The following CNTNAP2 variants were observed in gnomAD, a reference collection of about 807,000 sequenced individuals.
The protein encoded by CNTNAP2 is contactin-associated protein-like 2.
Under a neutral mutation model 155.2 loss-of-function variants are expected in CNTNAP2, and 98 were observed. The observed-to-expected ratio is 0.63, with a 90% confidence interval of 0.54 to 0.75. CNTNAP2 has a LOEUF of 0.75. Among genes scored for constraint, CNTNAP2 ranks in the 30% least tolerant of loss-of-function variants. The pLI, the probability that CNTNAP2 is intolerant of heterozygous loss-of-function variation, is 0.00. For synonymous variants in CNTNAP2, 651 were observed against 631.2 expected, an observed-to-expected ratio of 1.03 and a Z score of -0.47; for missense variants, 1,727 against 1,688.1, an observed-to-expected ratio of 1.02 and a Z score of -0.40.
intron 1 of CNTNAP2, among the ~76,000 whole-genome samples, chr7:146,685,561 A>G (rs986829288): frequency 6.6e-6 from 1 of 152,206 alleles, no homozygotes; most frequent in Non-Finnish European, 1.5e-5. Flanking sequence ...AGAAGAATCC[A>G]TGCCCGATTT....
intron 15 of CNTNAP2, among the ~76,000 whole-genome samples, chr7:148,016,295 C>T (rs1007758546): frequency 1.3e-5 from 2 of 152,160 alleles, no homozygotes; most frequent in Admixed American, 6.5e-5. Flanking sequence ...ATACCTCTGT[C>T]CACCTATGCC....
At chr7:147,331,210 T>C (rs1795559898) in intron 9 of CNTNAP2, among the ~76,000 whole-genome samples, 1 of 152,068 alleles carries the variant, frequency 6.6e-6, no homozygotes, top group Non-Finnish European at 1.5e-5. Context: ...GACTTTGAGG[T>C]ACAATGTTCC....
chr7:146,667,488 A>ATT (rs138513768), intron 1 of CNTNAP2, among the ~76,000 whole-genome samples: 44 of 151,100 alleles, frequency 2.9e-4, no homozygotes, highest in African/African-American at 1.0e-3. Context: ...AAATTTTAGG[A>ATT]TTTTTTTTCT....
At position 146,745,049 on chromosome 7, in the gene CNTNAP2, C is replaced by G. The variant is rs989062430; in HGVS notation, c.98-29222C>G. 3.9e-5 allele frequency among the ~76,000 whole-genome samples: 6 copies of G among 152,230 alleles called. No individual in the cohort carries two copies. The East Asian group carries it at 1.2e-3, about 29-fold the overall frequency. ...TTTCAAGATTTCAAGGTTGTGTGCT[C>G]TAGGGCTTTGAAAGGCAGAGTAACT... On this transcript the variant is annotated intron_variant, in intron 1 of 23. Transcript: ENST00000361727.
chr7:146,677,485 G>A (rs1483285868), intron 1 of CNTNAP2, among the ~76,000 whole-genome samples: 1 of 152,054 alleles, frequency 6.6e-6, no homozygotes, highest in Non-Finnish European at 1.5e-5. Flanking sequence ...GGTTACCTTC[G>A]GAATGCCCTT....
intron 8 of CNTNAP2, among the ~76,000 whole-genome samples, chr7:147,235,632 C>A (rs955547299): frequency 6.6e-6 from 1 of 152,004 alleles, no homozygotes; most frequent in Non-Finnish European, 1.5e-5. Flanking sequence ...AATCCATTCT[C>A]GCTTCTATTT....
intron 3 of CNTNAP2, among the ~76,000 whole-genome samples, chr7:146,870,231 C>T (rs10262463): frequency 0.32 from 48,396 of 149,916 alleles, 8,001 homozygotes; most frequent in African/African-American, 0.41. Context: ...TTTTGGTTGG[C>T]AGGCTATTTA....
intron 1 of CNTNAP2, among the ~76,000 whole-genome samples, chr7:146,607,903 C>T (rs955919393): frequency 9.2e-5 from 14 of 152,132 alleles, no homozygotes; most frequent in Non-Finnish European, 1.8e-4. Flanking sequence ...TTAATATTCT[C>T]CTTCAAGTTT....
At chr7:147,862,243 G>A (rs1799149092) in intron 13 of CNTNAP2, among the ~76,000 whole-genome samples, 1 of 152,016 alleles carries the variant, frequency 6.6e-6, no homozygotes, top group Non-Finnish European at 1.5e-5. Context: ...CAGCATTAGA[G>A]GTTTAAAATG....
At chr7:146,124,282 C>T (rs1691312911) in intron 1 of CNTNAP2, among the ~76,000 whole-genome samples, 1 of 152,046 alleles carries the variant, frequency 6.6e-6, no homozygotes, top group South Asian at 2.1e-4. Flanking sequence ...ACTTCTATAT[C>T]ATAGACTGAA....
chr7:147,584,540 A>G (rs1048064245), intron 12 of CNTNAP2, among the ~76,000 whole-genome samples: 2 of 152,356 alleles, frequency 1.3e-5, no homozygotes, highest in Middle Eastern at 3.4e-3. Flanking sequence ...TTCATGAAGT[A>G]TGATGATCTA....
At chr7:147,096,329 C>T (rs1045230682) in intron 4 of CNTNAP2, among the ~76,000 whole-genome samples, 1 of 152,138 alleles carries the variant, frequency 6.6e-6, no homozygotes, top group Admixed American at 6.5e-5. Flanking sequence ...TCTGGGCTTC[C>T]TTGAAAATGT....
At chr7:148,014,399 C>T (rs1004530770) in intron 15 of CNTNAP2, 5 of 151,944 alleles carry the variant, frequency 3.3e-5, no homozygotes, top group African/African-American at 1.2e-4. Context: ...CACACAGACA[C>T]CTGGAGAAGG....
chr7:147,514,484 G>A (rs851841), intron 11 of CNTNAP2, among the ~76,000 whole-genome samples: 97,508 of 151,684 alleles, frequency 0.64, 32,204 homozygotes, highest in South Asian at 0.77. Flanking sequence ...TTTAACATAA[G>A]AGCCTGAAAA....
At chr7:146,902,233 G>A (rs1796018988) in intron 3 of CNTNAP2, among the ~76,000 whole-genome samples, 1 of 152,094 alleles carries the variant, frequency 6.6e-6, no homozygotes, top group African/African-American at 2.4e-5. Context: ...GGCTGGCAGT[G>A]AGTGTAGGGG....
chr7:147,781,555 C>A (rs1314186353), intron 13 of CNTNAP2, among the ~76,000 whole-genome samples: 2 of 152,142 alleles, frequency 1.3e-5, no homozygotes, highest in Non-Finnish European at 2.9e-5. Flanking sequence ...CACCTGAAGA[C>A]TCTCAGAATC....
At chr7:148,081,550 G>A (rs1167919689) in intron 15 of CNTNAP2, among the ~76,000 whole-genome samples, 1 of 152,002 alleles carries the variant, frequency 6.6e-6, no homozygotes, top group Non-Finnish European at 1.5e-5. Flanking sequence ...TGGACCCCTG[G>A]TTCTTCAGTT....
At chr7:147,547,237 G>A (rs1309347917) in intron 11 of CNTNAP2, among the ~76,000 whole-genome samples, 4 of 152,080 alleles carry the variant, frequency 2.6e-5, no homozygotes, top group Admixed American at 6.6e-5. Flanking sequence ...TGAATCCAAG[G>A]CAATAATTGA....
rs370352120 is a variant in CNTNAP2 at position 146,588,006 on chromosome 7, A to ATGTGTGTGTG, written c.98-186247_98-186238dup. ...TAATTTTCAAACAAACCGTGTGTGT[A>ATGTGTGTGTG]TGTGTGTGTGTGTGTGTGTGTGTGT... On this transcript the variant is annotated intron_variant, in intron 1 of 23. Coordinates refer to ENST00000361727, the MANE Select transcript of CNTNAP2 (RefSeq NM_014141.6). Among the ~76,000 whole-genome samples the ATGTGTGTGTG allele has an allele frequency of 5.1e-3, 756 of 148,936 alleles. 4 individuals are homozygous for ATGTGTGTGTG. Among genetic ancestry groups the ATGTGTGTGTG allele is most frequent in the East Asian group, 0.036 (180 of 5,024 alleles).
Sources: gnomAD v4.1 joint callset for allele counts (sites outside exome capture counted in the v4.1 genomes callset) on GRCh38, gnomAD v4.1.1 for gene constraint, MANE v1.5 for transcripts, NCBI Gene and HGNC (gene_info 2026-07-23, HGNC 2026-07-21) for gene names.